APOC3: variants seen among roughly 807,000 people sequenced by gnomAD.
APOC3 encodes the protein apolipoprotein C-III.
In APOC3, 6 loss-of-function variants were observed where a neutral mutation model predicts 7.3. The observed-to-expected ratio is 0.82, with a 90% confidence interval of 0.45 to 1.61. The LOEUF is 1.61. APOC3 is among the 40% of genes most tolerant of loss of function. APOC3 has a pLI of 0.01. For synonymous variants in APOC3, 45 were observed against 51.2 expected, an observed-to-expected ratio of 0.88 and a Z score of 0.52; for missense variants, 123 against 124.9, an observed-to-expected ratio of 0.98 and a Z score of 0.07.
Position 116,831,309 on chromosome 11 carries a change from CTCTT to C in APOC3, c.179+428_179+431del, listed in dbSNP as rs775316139. Among the ~76,000 whole-genome samples the C allele has an allele frequency of 2.5e-3, 280 of 112,600 alleles. 5 individuals are homozygous for C. Among genetic ancestry groups the C allele is most frequent in the African/African-American group, 5.4e-3 (110 of 20,536 alleles). The allele number at this position is 112,600 out of a possible 152,430, so 73.9% of individuals were successfully genotyped here. On this transcript the variant is annotated intron_variant, in intron 3 of 3. Transcript: ENST00000227667. Reference sequence around the variant, plus strand: ...CTTTCTTTCTTTCTTTCCTTTCTTTCTCTTTCTTTCTTTCTTTCCTTTTTCTTTC... The same window carrying C: ...CTTTCTTTCTTTCTTTCCTTTCTTTCTCTTTCTTTCTTTCCTTTTTCTTTC...
intron 1 of APOC3, 134 bp downstream of exon 1, chr11:116,830,074 G>C (rs1941429586): frequency 5.1e-6 from 1 of 194,716 alleles, no homozygotes; most frequent in Non-Finnish European, 1.1e-5. Flanking sequence ...CTGGACGGGT[G>C]CCCCCCACCC....
chr11:116,832,618 G>C, intron 3 of APOC3, 146 bp from the exon 4 acceptor site: 2 of 1,184,712 alleles, frequency 1.7e-6, no homozygotes, highest in Non-Finnish European at 2.5e-6. Context: ...ATTCCTGCCT[G>C]AGGTCTCAGG....
chr11:116,831,343 C>T (rs12802558), intron 3 of APOC3, among the ~76,000 whole-genome samples: 3 of 128,100 alleles, frequency 2.3e-5, no homozygotes, highest in African/African-American at 2.9e-5. Context: ...TCTTTCTTTC[C>T]CTCTCTTCCT....
Position 116,831,002 on chromosome 11 carries a change from C to T in APOC3, c.179+106C>T, listed in dbSNP as rs527591419. 5.8e-6 allele frequency: 8 copies of T among 1,388,646 alleles called. No individual in the cohort carries two copies. In the East Asian group the frequency reaches 1.2e-4, roughly 21 times the overall value. 86.0% of individuals were successfully genotyped at this position (1,388,646 alleles called of 1,614,324 possible). A position where few individuals can be genotyped will look rare whatever the true frequency, so the allele number is the denominator to read the frequency against. On this transcript the variant is annotated intron_variant, in intron 3 of 3. Coordinates refer to ENST00000227667, the MANE Select transcript of APOC3 (RefSeq NM_000040.3). ...CAATGGAATGGAGGTGCTCCAGCCT[C>T]CCCTGGGCCTGTGCCTCTTCAGCCT...
chr11:116,832,499 C>T (rs1217309544), intron 3 of APOC3, among the ~76,000 whole-genome samples: 5 of 152,200 alleles, frequency 3.3e-5, no homozygotes, highest in South Asian at 2.1e-4. Flanking sequence ...CACTTTGTGC[C>T]TCAGGCCCAG....
rs1941479455 is a variant in APOC3 at position 116,832,975 on chromosome 11, A to T, written c.*91A>T. Reference sequence around the variant, plus strand: ...GGGCTGCCCCTGTAGGTTGCTTAAAAGGGACAGTATTCTCAGTGCTCTCCT... The same window carrying T: ...GGGCTGCCCCTGTAGGTTGCTTAAATGGGACAGTATTCTCAGTGCTCTCCT... On this transcript the variant is annotated 3_prime_UTR_variant, in exon 4 of 4. Transcript: ENST00000227667. 1 of 1,577,248 alleles carries T rather than the reference A, an allele frequency of 6.3e-7. No individual in the cohort carries two copies. Among genetic ancestry groups the T allele is most frequent in the Non-Finnish European group, 8.7e-7 (1 of 1,150,864 alleles).
intron 3 of APOC3, among the ~76,000 whole-genome samples, chr11:116,831,284 CTTTCTTTCTTTCT>C (rs1339244870): frequency 8.1e-4 from 68 of 83,656 alleles, no homozygotes; most frequent in South Asian, 6.6e-3. Flanking sequence ...TCTTTCTTTC[CTTTCTTTCTTTCT>C]TTCCTTTCTT....
intron 3 of APOC3, chr11:116,831,215 TTCTTTC>T (rs1258478627): frequency 6.0e-6 from 1 of 166,722 alleles, no homozygotes; most frequent in Non-Finnish European, 1.1e-5. Flanking sequence ...CTTTCTTTCT[TTCTTTC>T]TTTCTTTCTT....
chr11:116,832,985 T>A lies in APOC3; in HGVS notation c.*101T>A. On this transcript the variant is annotated 3_prime_UTR_variant, in exon 4 of 4. Coordinates refer to ENST00000227667, the MANE Select transcript of APOC3 (RefSeq NM_000040.3). Reference sequence around the variant, plus strand: ...TGTAGGTTGCTTAAAAGGGACAGTATTCTCAGTGCTCTCCTACCCCACCTC... The same window carrying A: ...TGTAGGTTGCTTAAAAGGGACAGTAATCTCAGTGCTCTCCTACCCCACCTC... 6.5e-7 allele frequency: 1 copy of A among 1,530,032 alleles called. No homozygotes were observed. Among genetic ancestry groups the A allele is most frequent in the Admixed American group, 1.7e-5 (1 of 58,634 alleles). The allele number at this position is 1,530,032 out of a possible 1,614,324, so 94.8% of individuals were successfully genotyped here. A position where few individuals can be genotyped will look rare whatever the true frequency, so the allele number is the denominator to read the frequency against.
At chr11:116,831,130 G>C (rs1941442658) in intron 3 of APOC3, 1 of 572,482 alleles carries the variant, frequency 1.7e-6, no homozygotes, top group African/African-American at 1.9e-5. Context: ...GCAGTCCTAG[G>C]GCGTGCCGTT....
intron 3 of APOC3, among the ~76,000 whole-genome samples, chr11:116,831,418 G>A (rs1158630299): frequency 6.8e-6 from 1 of 147,846 alleles, no homozygotes; most frequent in African/African-American, 2.5e-5. Context: ...AGGCTGGAGT[G>A]CAGTGGTGCC....
At chr11:116,832,382 T>A (rs529938030) in intron 3 of APOC3, among the ~76,000 whole-genome samples, 27 of 152,170 alleles carry the variant, frequency 1.8e-4, no homozygotes, top group Non-Finnish European at 3.1e-4. Context: ...AGAGGCTGCC[T>A]CCCTCTGTCC....
Position 116,830,581 on chromosome 11 carries a change from C to T in APOC3, c.-2C>T. 1 of 1,613,986 alleles carries T rather than the reference C, an allele frequency of 6.2e-7. No homozygotes were observed. The highest frequency in any genetic ancestry group is 8.5e-7 in the Non-Finnish European group (1 of 1,179,986). ...ACACTTCCTTGCAGGAACAGAGGTGCCATGCAGCCCCGGGTACTCCTTGTT... is the reference window on the plus strand; with the variant it reads ...ACACTTCCTTGCAGGAACAGAGGTGTCATGCAGCCCCGGGTACTCCTTGTT... On this transcript the variant is annotated 5_prime_UTR_variant, in exon 2 of 4. Coordinates refer to ENST00000227667, the MANE Select transcript of APOC3 (RefSeq NM_000040.3).
In APOC3 at chr11:116,830,892, G is replaced by C; in HGVS notation, c.175G>C (p.Ala59Pro). ...SVQESQVAQQ[A>P]RGWVTDGFSS... ...GCAGGAGTCCCAGGTGGCCCAGCAG[G>C]CCAGGTACACCCGCTGGCCTCCCTC... Residue 59 changes from alanine (A) to proline (P), a missense_variant, in exon 3 of 4, where the codon GCC becomes CCC. By Grantham distance (27) the Ala-to-Pro change is conservative (BLOSUM62 -1). Coordinates refer to ENST00000227667, the MANE Select transcript of APOC3 (RefSeq NM_000040.3). 6.2e-7 allele frequency: 1 copy of C among 1,612,416 alleles called. No individual in the cohort carries two copies. The highest frequency in any genetic ancestry group is 8.5e-7 in the Non-Finnish European group (1 of 1,179,894).
chr11:116,830,061 G>C (rs618354), intron 1 of APOC3, 121 bp downstream of exon 1: 49,585 of 185,628 alleles, frequency 0.27, 7,787 homozygotes, highest in African/African-American at 0.44. Flanking sequence ...GGAAGCCTCG[G>C]AGCTGGACGG....
At chr11:116,831,732 T>A (rs1169274136) in intron 3 of APOC3, among the ~76,000 whole-genome samples, 1 of 152,200 alleles carries the variant, frequency 6.6e-6, no homozygotes, top group Non-Finnish European at 1.5e-5. Flanking sequence ...AGGGACCAGT[T>A]TTGTGGTGGA....
chr11:116,830,386 T>C lies in APOC3; in HGVS notation c.-13-184T>C, dbSNP rs533807829. 18 of 653,616 alleles carry C rather than the reference T, an allele frequency of 2.8e-5. No individual in the cohort carries two copies. The East Asian group carries it at 3.8e-4, about 14-fold the overall frequency. 40.5% of individuals were successfully genotyped at this position (653,616 alleles called of 1,614,324 possible). On this transcript the variant is annotated intron_variant, in intron 1 of 3. Coordinates refer to ENST00000227667, the MANE Select transcript of APOC3 (RefSeq NM_000040.3). ...TCTGCTCCATCCCACCCACCTCCCTTTGGGCCTCGATCCCTCGCCCCTCAC... is the reference window on the plus strand; with the variant it reads ...TCTGCTCCATCCCACCCACCTCCCTCTGGGCCTCGATCCCTCGCCCCTCAC...
At chr11:116,831,257 CCTTT>C (rs1158965588) in intron 3 of APOC3, among the ~76,000 whole-genome samples, 15 of 59,676 alleles carry the variant, frequency 2.5e-4, no homozygotes, top group Admixed American at 8.1e-4. Flanking sequence ...TTCTTTCTTT[CCTTT>C]CTTTCTTTCC....
intron 2 of APOC3, 59 bp downstream of exon 2, chr11:116,830,696 C>T: frequency 6.2e-7 from 1 of 1,613,170 alleles, no homozygotes; most frequent in Non-Finnish European, 8.5e-7. Flanking sequence ...GGATCCCAGT[C>T]CCAATGGGTG....
Sources: allele counts gnomAD v4.1 joint callset (sites outside exome capture counted in the v4.1 genomes callset), GRCh38; gene constraint gnomAD v4.1.1; transcripts MANE v1.5; gene names NCBI Gene and HGNC (gene_info 2026-07-23, HGNC 2026-07-21).